The following SHROOM3 variants were observed in gnomAD, a reference collection of about 807,000 sequenced individuals.
SHROOM3 encodes the protein protein Shroom3.
In SHROOM3, 47 loss-of-function variants were observed where a neutral mutation model predicts 138.6. That is an observed-to-expected ratio of 0.34 (90% CI 0.27 to 0.43). The LOEUF is 0.43. Ranked by LOEUF, SHROOM3 falls within the 20% of genes least tolerant of loss-of-function variation. The pLI, the probability that SHROOM3 is intolerant of heterozygous loss-of-function variation, is 1.00. For synonymous variants in SHROOM3, 1,062 were observed against 1,063.3 expected (o/e 1.00, Z 0.02); for missense variants, 2,491 against 2,596.5 (o/e 0.96, Z 0.88).
At chr4:76,748,837 T>TA (rs71212449) in intron 5 of SHROOM3, among the ~76,000 whole-genome samples, 180 bp from the exon 6 acceptor site, 29 of 144,316 alleles carry the variant, frequency 2.0e-4, no homozygotes, top group Non-Finnish European at 3.6e-4. Flanking sequence ...TTTTTTTTTT[T>TA]AAATCTTCGG....
intron 9 of SHROOM3, among the ~76,000 whole-genome samples, chr4:76,765,272 A>AG (rs1722115780): frequency 1.3e-5 from 2 of 151,302 alleles, no homozygotes; most frequent in African/African-American, 4.9e-5. Flanking sequence ...CCCAGCACTT[A>AG]GGGAGGCCAA....
rs572762428 is a variant in SHROOM3 at position 76,459,393 on chromosome 4, T to C, written c.168+23173T>C. 3.3e-5 allele frequency among the ~76,000 whole-genome samples: 5 copies of C among 152,150 alleles called. No individual in the cohort carries two copies. In the East Asian group the frequency reaches 5.8e-4, roughly 18 times the overall value. ...ATGCTACACAGCCGAATAGTTGGGATTTTTTCCCCCTCTTGTCATAGTCTG... is the reference window on the plus strand; with the variant it reads ...ATGCTACACAGCCGAATAGTTGGGACTTTTTCCCCCTCTTGTCATAGTCTG... On this transcript the variant is annotated intron_variant, in intron 1 of 10. Coordinates refer to ENST00000296043, the MANE Select transcript of SHROOM3 (RefSeq NM_020859.4).
At chr4:76,764,822 G>C (rs1722095262) in intron 9 of SHROOM3, among the ~76,000 whole-genome samples, 2 of 152,118 alleles carry the variant, frequency 1.3e-5, no homozygotes, top group African/African-American at 2.4e-5. Flanking sequence ...AGTTTTCTTT[G>C]AGTTGATCGT....
intron 2 of SHROOM3, chr4:76,689,421 G>T (rs1719440771): frequency 2.9e-6 from 2 of 696,164 alleles, no homozygotes; most frequent in Admixed American, 1.6e-4. Context: ...TGGACTGAGC[G>T]GGCCCGGGCG....
At chr4:76,748,599 T>G (rs1433402261) in intron 5 of SHROOM3, among the ~76,000 whole-genome samples, 1 of 152,220 alleles carries the variant, frequency 6.6e-6, no homozygotes, top group Non-Finnish European at 1.5e-5. Context: ...TTTTGCAAAA[T>G]GTAATAGACT....
intron 2 of SHROOM3, among the ~76,000 whole-genome samples, chr4:76,680,971 C>T (rs1050559829): frequency 6.6e-6 from 1 of 152,220 alleles, no homozygotes; most frequent in Non-Finnish European, 1.5e-5. Context: ...ACTTCTTGAA[C>T]AGTGCAGATC....
chr4:76,521,671 G>A (rs1156738582), intron 1 of SHROOM3, among the ~76,000 whole-genome samples: 1 of 152,136 alleles, frequency 6.6e-6, no homozygotes. Flanking sequence ...ATTAATAAAA[G>A]GTGACGTAGG....
At position 76,740,553 on chromosome 4, in the gene SHROOM3, G is replaced by C; in HGVS notation, c.2380G>C (p.Gly794Arg). 2 of 1,614,154 alleles carry C rather than the reference G, an allele frequency of 1.2e-6. No individual in the cohort carries two copies. Among genetic ancestry groups the C allele is most frequent in the African/African-American group, 1.3e-5 (1 of 75,082 alleles). Reference protein sequence around the residue: ...KVSKFEQREQGSQRPSVGGSG... With the variant: ...KVSKFEQREQRSQRPSVGGSG... The stretch of plus-strand genomic sequence containing the variant: ...CTCCAAATTCGAGCAGCGAGAGCAA[G>C]GGAGCCAGAGACCGAGTGTGGGCGG... Residue 794 changes from glycine (G) to arginine (R), a missense_variant, in exon 5 of 11, where the codon GGG (glycine) becomes CGG (arginine). Physicochemically the swap from Gly to Arg is moderately radical, Grantham distance 125. This residue lies in a region of SHROOM3 where 1,733 missense variants were observed against 1,661.6 expected (regional missense o/e 1.04). Coordinates refer to ENST00000296043, the MANE Select transcript of SHROOM3 (RefSeq NM_020859.4). The surrounding 1 kb of genome is among the most constrained non-coding windows in gnomAD (Gnocchi z 4.0).
chr4:76,521,284 GTGTGTGTGTGCGCACATA>G (rs1223273704), intron 1 of SHROOM3, among the ~76,000 whole-genome samples: 2 of 151,590 alleles, frequency 1.3e-5, no homozygotes, highest in Non-Finnish European at 2.9e-5. Context: ...GTATGTATAT[GTGTGTGTGTGCGCACATA>G]TGTGTGTGTG....
intron 1 of SHROOM3, among the ~76,000 whole-genome samples, chr4:76,543,393 G>A (rs1053182796): frequency 1.6e-4 from 25 of 152,232 alleles, no homozygotes; most frequent in Admixed American, 3.3e-4. Flanking sequence ...GTATACGAGC[G>A]TGTGGCTTAC....
chr4:76,443,583 A>C (rs554428654), intron 1 of SHROOM3, among the ~76,000 whole-genome samples: 9 of 152,230 alleles, frequency 5.9e-5, no homozygotes, highest in Non-Finnish European at 1.3e-4. Flanking sequence ...GGTTCATCCC[A>C]GGAGTCCATC....
chr4:76,568,697 T>G (rs549334588), intron 2 of SHROOM3, among the ~76,000 whole-genome samples: 1 of 152,304 alleles, frequency 6.6e-6, no homozygotes, highest in East Asian at 1.9e-4. Context: ...CCCACCCTTC[T>G]CTCTGTCCTC....
chr4:76,757,964 A>G (rs920025213), intron 8 of SHROOM3: 19 of 152,206 alleles, frequency 1.2e-4, no homozygotes, highest in African/African-American at 4.3e-4. Flanking sequence ...AAAAATTTCC[A>G]ACTGATCCTA....
chr4:76,698,880 C>G (rs1719823155), intron 2 of SHROOM3, among the ~76,000 whole-genome samples: 1 of 152,076 alleles, frequency 6.6e-6, no homozygotes, highest in Admixed American at 6.5e-5. Context: ...ATTTTCTGTT[C>G]TTATCTGCAA....
At chr4:76,683,460 G>A (rs994003464) in intron 2 of SHROOM3, among the ~76,000 whole-genome samples, 5 of 152,014 alleles carry the variant, frequency 3.3e-5, no homozygotes, top group East Asian at 3.9e-4. Flanking sequence ...ACCCTCCAGC[G>A]AATTTCCCTC....
intron 2 of SHROOM3, among the ~76,000 whole-genome samples, chr4:76,672,389 G>A (rs1162606329): frequency 7.1e-6 from 1 of 140,000 alleles, no homozygotes; most frequent in East Asian, 2.1e-4. Context: ...CTTTTTACTG[G>A]AACTTACTCT....
chr4:76,526,121 G>A (rs1176924768), intron 1 of SHROOM3, among the ~76,000 whole-genome samples: 15 of 152,098 alleles, frequency 9.9e-5, no homozygotes, highest in African/African-American at 2.7e-4. Context: ...TAATCCCAGC[G>A]TTTTGGGAGG....
At chr4:76,523,556 C>T (rs1001229838) in intron 1 of SHROOM3, among the ~76,000 whole-genome samples, 1 of 152,132 alleles carries the variant, frequency 6.6e-6, no homozygotes, top group African/African-American at 2.4e-5. Flanking sequence ...TGAAATATTT[C>T]CAAATAAAAT....
intron 1 of SHROOM3, among the ~76,000 whole-genome samples, chr4:76,514,672 G>A (rs139648726): frequency 1.9e-3 from 289 of 152,080 alleles, no homozygotes; most frequent in African/African-American, 6.1e-3. Context: ...TATGATATGC[G>A]AATTACATCT....
Sources: gnomAD v4.1 joint callset for allele counts (sites outside exome capture counted in the v4.1 genomes callset) on GRCh38, gnomAD v4.1.1 for gene constraint, gnomAD v4.1.1 regional missense constraint, Gnocchi (gnomAD v3.1) non-coding constraint, MANE v1.5 for transcripts, NCBI Gene and HGNC (gene_info 2026-07-23, HGNC 2026-07-21) for gene names.